Variants in NKAIN3 observed in about 807,000 individuals in gnomAD.
NKAIN3 encodes the protein sodium/potassium-transporting ATPase subunit beta-1-interacting protein 3.
NKAIN3 carries 25 observed loss-of-function variants against 30.2 expected under a neutral mutation model. The observed-to-expected ratio is 0.83, with a 90% CI of 0.60 to 1.16. The LOEUF (loss-of-function observed/expected upper bound fraction) is 1.16, where lower values mean the gene tolerates loss of function less well. Ranked by LOEUF, NKAIN3 falls within the 50% of genes most tolerant of loss-of-function variation. NKAIN3 has a pLI of 0.00. For synonymous variants in NKAIN3, 91 were observed against 89.6 expected (o/e 1.02, Z -0.09); for missense variants, 225 against 254.1 (o/e 0.89, Z 0.78).
At position 62,772,849 on chromosome 8, in the gene NKAIN3, C is replaced by A. The variant is rs187096875; in HGVS notation, c.471+25720C>A. ...CTAATTTTTGTATTTTTAGTAGAGACAGGGTCTCACCATATTGGCCAGGTT... is the reference window on the plus strand; with the variant it reads ...CTAATTTTTGTATTTTTAGTAGAGAAAGGGTCTCACCATATTGGCCAGGTT... On this transcript the variant is annotated intron_variant, in intron 4 of 6. Coordinates refer to ENST00000623646, the MANE Select transcript of NKAIN3 (RefSeq NM_001304533.3). Among the ~76,000 whole-genome samples, 986 of 152,096 alleles carry A rather than the reference C, an allele frequency of 6.5e-3. 3 individuals carry two copies. The highest frequency in any genetic ancestry group is 0.037 in the Middle Eastern group (11 of 294).
intron 1 of NKAIN3, among the ~76,000 whole-genome samples, chr8:62,460,639 C>A (rs1347817126): frequency 6.6e-6 from 1 of 152,102 alleles, no homozygotes; most frequent in Non-Finnish European, 1.5e-5. Flanking sequence ...ATTCTCACTG[C>A]AGCCTGGCAA....
intron 1 of NKAIN3, among the ~76,000 whole-genome samples, chr8:62,319,267 C>A (rs1354679211): frequency 1.3e-5 from 2 of 151,988 alleles, no homozygotes; most frequent in African/African-American, 4.8e-5. Flanking sequence ...TTTTGTTGAT[C>A]TTTTCAAAAA....
At chr8:62,663,873 A>G (rs955067779) in intron 3 of NKAIN3, among the ~76,000 whole-genome samples, 3 of 152,176 alleles carry the variant, frequency 2.0e-5, no homozygotes, top group Non-Finnish European at 4.4e-5. Context: ...TTGCTGATTG[A>G]ATAAATTCAA....
At chr8:62,448,151 C>T (rs1461848856) in intron 1 of NKAIN3, among the ~76,000 whole-genome samples, 2 of 151,830 alleles carry the variant, frequency 1.3e-5, no homozygotes, top group Non-Finnish European at 3.0e-5. Flanking sequence ...ACATATGCCA[C>T]ATTTATGTCT....
chr8:62,764,586 T>C (rs182087098), intron 4 of NKAIN3, among the ~76,000 whole-genome samples: 8 of 152,224 alleles, frequency 5.3e-5, no homozygotes, highest in African/African-American at 1.9e-4. Flanking sequence ...CACCTTACCT[T>C]CCTAAATAGC....
chr8:62,893,312 G>A (rs539913985), intron 4 of NKAIN3, among the ~76,000 whole-genome samples: 48 of 152,272 alleles, frequency 3.2e-4, no homozygotes, highest in African/African-American at 1.1e-3. Flanking sequence ...CTGTTTCAAG[G>A]AGTAGCAGCC....
intron 1 of NKAIN3, among the ~76,000 whole-genome samples, chr8:62,374,576 G>A (rs1490852468): frequency 6.6e-6 from 1 of 152,198 alleles, no homozygotes; most frequent in Admixed American, 6.5e-5. Flanking sequence ...CATGAAATAA[G>A]AGCTTCTTGG....
intron 1 of NKAIN3, among the ~76,000 whole-genome samples, chr8:62,535,272 C>T (rs1446523065): frequency 6.6e-6 from 1 of 152,156 alleles, no homozygotes; most frequent in Non-Finnish European, 1.5e-5. Flanking sequence ...TCTATTCTCA[C>T]ACTAAAGCAA....
intron 1 of NKAIN3, among the ~76,000 whole-genome samples, chr8:62,329,625 A>T (rs1345424009): frequency 6.6e-6 from 1 of 152,114 alleles, no homozygotes; most frequent in Non-Finnish European, 1.5e-5. Context: ...GTCGCTTAGG[A>T]TAATAGCCTC....
intron 1 of NKAIN3, among the ~76,000 whole-genome samples, chr8:62,539,913 T>A (rs973114875): frequency 4.6e-5 from 7 of 152,184 alleles, no homozygotes. Context: ...CTAAAGTGTG[T>A]CAGTCAATCA....
chr8:62,323,863 C>A (rs554458652), intron 1 of NKAIN3, among the ~76,000 whole-genome samples: 22 of 152,106 alleles, frequency 1.4e-4, no homozygotes, highest in Non-Finnish European at 2.8e-4. Context: ...GAAAAGGCTA[C>A]AAACTGAATA....
At chr8:62,450,336 T>C (rs541799965) in intron 1 of NKAIN3, among the ~76,000 whole-genome samples, 103 of 152,298 alleles carry the variant, frequency 6.8e-4, no homozygotes, top group Admixed American at 1.9e-3. Context: ...TCAAAAAGTA[T>C]GGTTTTCTCA....
intron 3 of NKAIN3, among the ~76,000 whole-genome samples, chr8:62,664,361 C>G (rs1813033416): frequency 6.6e-6 from 1 of 152,132 alleles, no homozygotes; most frequent in African/African-American, 2.4e-5. Context: ...TCTGAATTTC[C>G]TGTGATTCCA....
intron 1 of NKAIN3, among the ~76,000 whole-genome samples, chr8:62,461,501 T>A (rs934006075): frequency 6.6e-6 from 1 of 152,234 alleles, no homozygotes; most frequent in African/African-American, 2.4e-5. Flanking sequence ...GAATCCTAGA[T>A]GTTGAACTTA....
intron 1 of NKAIN3, among the ~76,000 whole-genome samples, chr8:62,439,119 A>G (rs1399965198): frequency 6.6e-6 from 1 of 152,198 alleles, no homozygotes; most frequent in Non-Finnish European, 1.5e-5. Context: ...TAGCTCTTGA[A>G]ATATTTTAAG....
At chr8:62,415,965 G>A (rs1462221364) in intron 1 of NKAIN3, among the ~76,000 whole-genome samples, 2 of 151,944 alleles carry the variant, frequency 1.3e-5, no homozygotes, top group South Asian at 2.1e-4. Flanking sequence ...CACCGTGTTA[G>A]CCAGATGGTC....
chr8:62,728,533 G>A (rs922222584), intron 3 of NKAIN3, among the ~76,000 whole-genome samples: 18 of 128,424 alleles, frequency 1.4e-4, no homozygotes, highest in African/African-American at 3.9e-4. Context: ...CATGGGTGGC[G>A]CAAGCCTGTA....
rs1823852593 is a variant in NKAIN3, at chr8:62,972,346, T to C, written c.*6939T>C. On this transcript the variant is annotated 3_prime_UTR_variant, in exon 7 of 7. Coordinates refer to ENST00000623646, the MANE Select transcript of NKAIN3 (RefSeq NM_001304533.3). ...TATACAAGTGAGGGAATTAATAAAA[T>C]TTTTTGTAATTATAAATATGTATAT... is the stretch of plus-strand genomic sequence containing the variant. Among the ~76,000 whole-genome samples, 3 of 152,156 alleles carry C rather than the reference T, an allele frequency of 2.0e-5. No individual in the cohort carries two copies. Among genetic ancestry groups the C allele is most frequent in the Admixed American group, 2.0e-4 (3 of 15,270 alleles).
chr8:62,499,573 C>A (rs1807351960), intron 1 of NKAIN3, among the ~76,000 whole-genome samples: 1 of 151,942 alleles, frequency 6.6e-6, no homozygotes, highest in Non-Finnish European at 1.5e-5. Flanking sequence ...TCATGTGGCA[C>A]CATGGAAGGG....
Sources: gnomAD v4.1 joint callset for allele counts (sites outside exome capture counted in the v4.1 genomes callset) on GRCh38, gnomAD v4.1.1 for gene constraint, MANE v1.5 for transcripts, NCBI Gene and HGNC (gene_info 2026-07-23, HGNC 2026-07-21) for gene names.